Variants in ZNF106 observed in about 807,000 individuals in gnomAD.
ZNF106 encodes zinc finger protein 106.
Under a neutral mutation model 195.1 loss-of-function variants are expected in ZNF106, and 67 were observed. That is an observed-to-expected ratio of 0.34 (90% CI 0.28 to 0.42). The LOEUF is 0.42. ZNF106 is among the 10% of genes least tolerant of loss of function. ZNF106 has a pLI of 1.00. For missense variants in ZNF106, 2,118 were observed against 2,304.5 expected, an observed-to-expected ratio of 0.92 and a Z score of 1.66; for synonymous variants, 784 against 818.6, an observed-to-expected ratio of 0.96 and a Z score of 0.72.
chr15:42,423,963 TCA>T (rs757743247), intron 17 of ZNF106, 33 bp downstream of exon 17: 118 of 1,569,752 alleles, frequency 7.5e-5, no homozygotes, highest in Non-Finnish European at 9.1e-5. Flanking sequence ...ATTATTTTAT[TCA>T]CAGTTTCTTT....
chr15:42,458,409 GAAAA>G (rs773941390), intron 3 of ZNF106, among the ~76,000 whole-genome samples: 1 of 110,298 alleles, frequency 9.1e-6, no homozygotes. Context: ...TTCATTCAAG[GAAAA>G]AAAAAAAAAA....
intron 8 of ZNF106, among the ~76,000 whole-genome samples, 175 bp from the exon 9 acceptor site, chr15:42,444,437 TC>T (rs2055687217): frequency 6.6e-6 from 1 of 152,206 alleles, no homozygotes; most frequent in African/African-American, 2.4e-5. Flanking sequence ...CCTTGAAGAT[TC>T]CCAGGCACTG....
At chr15:42,469,154 C>T (rs1438063517) in intron 2 of ZNF106, among the ~76,000 whole-genome samples, 1 of 152,134 alleles carries the variant, frequency 6.6e-6, no homozygotes, top group East Asian at 1.9e-4. Context: ...CATTGCACTC[C>T]AGCCTGGGCG....
intron 14 of ZNF106, among the ~76,000 whole-genome samples, chr15:42,428,576 C>G (rs1225231202): frequency 6.6e-6 from 1 of 152,156 alleles, no homozygotes; most frequent in Non-Finnish European, 1.5e-5. Context: ...CCAAATGTCT[C>G]CTTCAAACTG....
intron 14 of ZNF106, among the ~76,000 whole-genome samples, chr15:42,433,552 G>C (rs2055147129): frequency 1.4e-5 from 2 of 143,976 alleles, no homozygotes; most frequent in Admixed American, 1.4e-4. Flanking sequence ...GCATGATCTT[G>C]GCTCACTGAA....
In ZNF106 at chr15:42,457,168, G is replaced by A. The variant is rs1234739483; in HGVS notation, c.117-10C>T. 1.2e-6 allele frequency: 2 copies of A among 1,614,172 alleles called. No homozygotes were observed. Among genetic ancestry groups the A allele is most frequent in the Non-Finnish European group, 1.7e-6 (2 of 1,180,044 alleles). On this transcript the variant is annotated splice_polypyrimidine_tract_variant and intron_variant, in intron 3 of 21. Coordinates refer to ENST00000564754, the MANE Select transcript of ZNF106 (RefSeq NM_001366845.3). ...CTCATGACTAATGTCCCTAGGGAAAGAGGGAGATGAGGGACATTCAATTCT... is the reference window on the plus strand; with the variant it reads ...CTCATGACTAATGTCCCTAGGGAAAAAGGGAGATGAGGGACATTCAATTCT...
rs559401845 is a variant in ZNF106, at chr15:42,434,110, G to A, written c.4881+1274C>T. Among the ~76,000 whole-genome samples, 4 of 152,258 alleles carry A rather than the reference G, an allele frequency of 2.6e-5. No individual in the cohort carries two copies. The East Asian group carries it at 7.7e-4, about 29-fold the overall frequency. On this transcript the variant is annotated intron_variant, in intron 14 of 21. Coordinates refer to ENST00000564754, the MANE Select transcript of ZNF106 (RefSeq NM_001366845.3). Reference sequence around the variant, plus strand: ...AATCCTCCTGCTCTGGCCTCCCAAAGTGCTGGGATTACAGACATGAACCAT... The same window carrying A: ...AATCCTCCTGCTCTGGCCTCCCAAAATGCTGGGATTACAGACATGAACCAT...
intron 1 of ZNF106, among the ~76,000 whole-genome samples, chr15:42,472,767 T>C (rs2056703622): frequency 6.6e-6 from 1 of 152,104 alleles, no homozygotes; most frequent in Admixed American, 6.5e-5. Flanking sequence ...ATCCCAGCAT[T>C]TTGGGAGGCC....
In ZNF106 at chr15:42,439,712, A is replaced by G. The variant is rs780107975; in HGVS notation, c.3865T>C (p.Phe1289Leu). Residue 1289 changes from phenylalanine to leucine, a missense_variant, in exon 11 of 22, where the codon TTT becomes CTT. Transcript: ENST00000564754. ...CTGGTATTTCTTTGCTCCACAGAAAACTTCAGTTCTTGGCTAGGCTCATGG... is the reference window on the plus strand; with the variant it reads ...CTGGTATTTCTTTGCTCCACAGAAAGCTTCAGTTCTTGGCTAGGCTCATGG... ...SFHEPSQELKFSVEQRNTRNR... is the reference protein window; with the variant it reads ...SFHEPSQELKLSVEQRNTRNR... 8 of 1,613,848 alleles carry G rather than the reference A, an allele frequency of 5.0e-6. No individual in the cohort carries two copies. The African/African-American group carries it at 1.1e-4, about 22-fold the overall frequency.
At chr15:42,481,029 C>T (rs1481099149) in intron 1 of ZNF106, among the ~76,000 whole-genome samples, 1 of 152,048 alleles carries the variant, frequency 6.6e-6, no homozygotes, top group African/African-American at 2.4e-5. Context: ...AAAAACCCTG[C>T]AACCATATAG....
At chr15:42,480,470 G>A (rs1567033594) in intron 1 of ZNF106, among the ~76,000 whole-genome samples, 1 of 152,168 alleles carries the variant, frequency 6.6e-6, no homozygotes, top group South Asian at 2.1e-4. Context: ...TAAAGTCAAT[G>A]AAGTTATTAA....
In ZNF106 at chr15:42,415,470, G is replaced by A; in HGVS notation, c.*1834C>T. ...TTTGGATCAAGTAAGAACCACTGGA[G>A]CCTTTCCTGGAAAAAAGAACACATA... On this transcript the variant is annotated 3_prime_UTR_variant, in exon 22 of 22. Transcript: ENST00000564754. The A allele has an allele frequency of 6.6e-6, 3 of 454,884 alleles. No homozygotes were observed. The highest frequency in any genetic ancestry group is 8.8e-6 in the Non-Finnish European group (2 of 226,474). The allele number at this position is 454,884 out of a possible 1,614,324, so 28.2% of individuals were successfully genotyped here.
chr15:42,417,448 T>A, intron 21 of ZNF106, 88 bp from the exon 22 acceptor site: 1 of 1,498,040 alleles, frequency 6.7e-7, no homozygotes, highest in Non-Finnish European at 9.2e-7. Context: ...TGTGGGTCCA[T>A]TCCACCTAGG....
At chr15:42,470,003 A>T (rs1418068348) in intron 2 of ZNF106, among the ~76,000 whole-genome samples, 1 of 152,150 alleles carries the variant, frequency 6.6e-6, no homozygotes, top group East Asian at 1.9e-4. Context: ...ATATTTTTAA[A>T]GGCTGGGTTG....
In ZNF106 at chr15:42,439,314, G is replaced by A. The variant is rs2055407873; in HGVS notation, c.4263C>T (p.Thr1421=). The A allele has an allele frequency of 1.2e-6, 2 of 1,614,020 alleles. No individual in the cohort carries two copies. The highest frequency in any genetic ancestry group is 1.1e-5 in the South Asian group (1 of 91,074). Reference sequence around the variant, plus strand: ...CAGTCCTGCTGTCTTCCCAAGTGGAGGTTGTTACTTTCCCCCCTTTAATTA... The same window carrying A: ...CAGTCCTGCTGTCTTCCCAAGTGGAAGTTGTTACTTTCCCCCCTTTAATTA... ...GKLIKGGKVT[T]STWEDSRTGR... Residue 1421 remains threonine (T), a synonymous_variant, in exon 11 of 22, where the codon ACC becomes ACT. Transcript: ENST00000564754.
intron 15 of ZNF106, 38 bp from the exon 16 acceptor site, chr15:42,425,063 A>T (rs755243600): frequency 6.2e-7 from 1 of 1,604,656 alleles, no homozygotes; most frequent in South Asian, 1.1e-5. Context: ...AAACCAACTT[A>T]GCTGGAAAAT....
chr15:42,468,567 A>G (rs757947886), intron 2 of ZNF106, among the ~76,000 whole-genome samples: 18 of 150,652 alleles, frequency 1.2e-4, no homozygotes, highest in Non-Finnish European at 2.5e-4. Flanking sequence ...ACATGGTGAT[A>G]CCCCGTCTCT....
At chr15:42,487,605 C>G (rs1013259277) in intron 1 of ZNF106, among the ~76,000 whole-genome samples, 3 of 151,152 alleles carry the variant, frequency 2.0e-5, no homozygotes, top group African/African-American at 7.3e-5. Flanking sequence ...ATTTGTTTTC[C>G]AGAGATATTT....
chr15:42,460,839 A>C (rs1037768779), intron 3 of ZNF106, among the ~76,000 whole-genome samples: 2 of 150,936 alleles, frequency 1.3e-5, no homozygotes, highest in Admixed American at 1.3e-4. Flanking sequence ...TAGCCTGGGC[A>C]ACAAGAGCAA....
Sources: allele counts gnomAD v4.1 joint callset (sites outside exome capture counted in the v4.1 genomes callset), GRCh38; gene constraint gnomAD v4.1.1; transcripts MANE v1.5; gene names NCBI Gene and HGNC (gene_info 2026-07-23, HGNC 2026-07-21).